CRISP1: variants seen among roughly 807,000 people sequenced by gnomAD.
The protein encoded by CRISP1 is cysteine rich secretory protein 1, also known as cysteine-rich secretory protein 1.
Under a neutral mutation model 33.1 loss-of-function variants are expected in CRISP1, and 44 were observed. The observed-to-expected ratio is 1.33, with a 90% confidence interval of 1.05 to 1.71. The LOEUF (loss-of-function observed/expected upper bound fraction) is 1.71, where lower values mean the gene tolerates loss of function less well. Among genes scored for constraint, CRISP1 ranks in the 40% most tolerant of loss-of-function variants. The probability of loss-of-function intolerance (pLI) is 0.00; values close to 1 mark genes in which losing one functional copy is unlikely to be tolerated. For missense variants in CRISP1, 390 were observed against 301.2 expected, an observed-to-expected ratio of 1.29 and a Z score of -2.18; for synonymous variants, 103 against 98.7, an observed-to-expected ratio of 1.04 and a Z score of -0.26.
At chr6:49,860,410 T>A (rs916685539) in intron 1 of CRISP1, among the ~76,000 whole-genome samples, 6 of 152,154 alleles carry the variant, frequency 3.9e-5, no homozygotes, top group African/African-American at 1.4e-4. Flanking sequence ...ATTGAAATGA[T>A]GTCAAGTATC....
intron 1 of CRISP1, among the ~76,000 whole-genome samples, chr6:49,863,508 G>A (rs897512223): frequency 6.6e-6 from 1 of 152,170 alleles, no homozygotes; most frequent in Non-Finnish European, 1.5e-5. Context: ...GCAATCTTAA[G>A]CCAATACTCT....
upstream of CRISP1, among the ~76,000 whole-genome samples, chr6:49,867,148 A>G (rs1424673333): frequency 1.3e-5 from 2 of 152,162 alleles, no homozygotes; most frequent in African/African-American, 4.8e-5. Flanking sequence ...AAATTGTAAA[A>G]CACTAAAAAT....
upstream of CRISP1, among the ~76,000 whole-genome samples, chr6:49,871,095 C>T (rs903548465): frequency 6.7e-6 from 1 of 148,358 alleles, no homozygotes; most frequent in Non-Finnish European, 1.5e-5. Flanking sequence ...AAGAGGGAAA[C>T]TCCATCTCAA....
intron 1 of CRISP1, among the ~76,000 whole-genome samples, chr6:49,864,841 C>T (rs893831147): frequency 2.0e-4 from 31 of 152,188 alleles, no homozygotes; most frequent in African/African-American, 7.2e-4. Flanking sequence ...TTCCCTTAGT[C>T]TGTGGCTTAT....
chr6:49,847,249 T>A (rs1247399946), intron 4 of CRISP1, among the ~76,000 whole-genome samples: 1 of 152,186 alleles, frequency 6.6e-6, no homozygotes, highest in Non-Finnish European at 1.5e-5. Flanking sequence ...ATTCTCATGT[T>A]AAAATATAAT....
chr6:49,867,806 A>C (rs990028147), upstream of CRISP1, among the ~76,000 whole-genome samples: 1 of 152,130 alleles, frequency 6.6e-6, no homozygotes, highest in Non-Finnish European at 1.5e-5. Flanking sequence ...CTTTAGCTTA[A>C]CTTTAATTGG....
rs180751592 is a variant in CRISP1 at position 49,850,269 on chromosome 6, A to G, written c.195+1732T>C. Among the ~76,000 whole-genome samples, 1,353 of 152,202 alleles carry G rather than the reference A, an allele frequency of 8.9e-3. 11 individuals are homozygous for G. The highest frequency in any genetic ancestry group is 0.015 in the Non-Finnish European group (1,029 of 67,988). On this transcript the variant is annotated intron_variant, in intron 3 of 7. Coordinates refer to ENST00000335847, the MANE Select transcript of CRISP1 (RefSeq NM_001131.3). ...TAATAATAATAAAATAAAATAAAAA[A>G]AGAAAACTTACCGGAACTGGAACTT... is the stretch of plus-strand genomic sequence containing the variant.
intron 7 of CRISP1, among the ~76,000 whole-genome samples, chr6:49,836,341 T>C (rs1389591256): frequency 1.7e-5 from 2 of 115,290 alleles, no homozygotes; most frequent in Admixed American, 1.6e-4. Flanking sequence ...TTTTATTTTA[T>C]TTTTTTTTTT....
intron 5 of CRISP1, among the ~76,000 whole-genome samples, chr6:49,845,001 T>G (rs776554123): frequency 3.3e-5 from 5 of 152,090 alleles, no homozygotes; most frequent in African/African-American, 7.2e-5. Context: ...GCTCTTGGGA[T>G]GGAACGAATC....
intron 1 of CRISP1, among the ~76,000 whole-genome samples, chr6:49,860,446 T>A (rs1233792834): frequency 1.3e-5 from 2 of 152,050 alleles, no homozygotes; most frequent in African/African-American, 4.8e-5. Flanking sequence ...GAAATAAAAC[T>A]AGAAATCAAT....
chr6:49,840,088 C>T (rs1033951925), intron 6 of CRISP1, among the ~76,000 whole-genome samples: 3 of 152,146 alleles, frequency 2.0e-5, no homozygotes, highest in Admixed American at 1.3e-4. Flanking sequence ...TATATGATGG[C>T]GTCACTGACT....
At chr6:49,848,438 A>G (rs2127473060) in intron 3 of CRISP1, 139 bp from the exon 4 acceptor site, 4 of 497,126 alleles carry the variant, frequency 8.0e-6, no homozygotes, top group East Asian at 6.6e-5. Context: ...TTACTATTAA[A>G]CGTTCTAGTA....
intron 5 of CRISP1, among the ~76,000 whole-genome samples, chr6:49,842,046 G>T (rs538566422): frequency 6.6e-6 from 1 of 152,238 alleles, no homozygotes; most frequent in African/African-American, 2.4e-5. Context: ...CTTGATTAGA[G>T]AACATGTTTG....
chr6:49,848,338 A>G, intron 3 of CRISP1, 39 bp from the exon 4 acceptor site: 1 of 1,162,998 alleles, frequency 8.6e-7, no homozygotes. Context: ...GTTCCAATTA[A>G]TATTTTCATA....
chr6:49,860,155 C>G (rs1039958160), intron 1 of CRISP1, among the ~76,000 whole-genome samples: 1 of 152,034 alleles, frequency 6.6e-6, no homozygotes, highest in Non-Finnish European at 1.5e-5. Flanking sequence ...GAGAGACAAA[C>G]TCCAATGCTA....
intron 2 of CRISP1, among the ~76,000 whole-genome samples, chr6:49,852,497 C>T (rs1389728872): frequency 6.6e-6 from 1 of 152,168 alleles, no homozygotes; most frequent in Non-Finnish European, 1.5e-5. Flanking sequence ...CTCCACATCT[C>T]CCACCCTGCA....
intron 3 of CRISP1, among the ~76,000 whole-genome samples, chr6:49,848,861 A>G (rs193286848): frequency 4.6e-4 from 70 of 152,256 alleles, no homozygotes; most frequent in Non-Finnish European, 9.4e-4. Context: ...TCTGTCACCA[A>G]TTCTGTGTGT....
At chr6:49,845,100 C>T (rs563643502) in intron 5 of CRISP1, among the ~76,000 whole-genome samples, 1 of 152,262 alleles carries the variant, frequency 6.6e-6, no homozygotes, top group South Asian at 2.1e-4. Flanking sequence ...AATTCGTATT[C>T]TGTACCTCTA....
At chr6:49,859,196 C>T (rs1418410910) in intron 1 of CRISP1, among the ~76,000 whole-genome samples, 3 of 152,094 alleles carry the variant, frequency 2.0e-5, no homozygotes, top group South Asian at 4.2e-4. Flanking sequence ...GTGGGTCCCA[C>T]GGGTTTCACA....
Sources: allele counts gnomAD v4.1 joint callset (sites outside exome capture counted in the v4.1 genomes callset), GRCh38; gene constraint gnomAD v4.1.1; transcripts MANE v1.5; gene names NCBI Gene and HGNC (gene_info 2026-07-23, HGNC 2026-07-21).